Variants in MYO5C observed in about 807,000 individuals in gnomAD.
MYO5C encodes myosin VC.
A neutral mutation model predicts 235.7 loss-of-function variants in MYO5C; 194 were observed. The observed-to-expected ratio is 0.82, with a 90% confidence interval of 0.73 to 0.93. The LOEUF (loss-of-function observed/expected upper bound fraction) is 0.93, where lower values mean the gene tolerates loss of function less well. Ranked by LOEUF, MYO5C falls within the 40% of genes least tolerant of loss-of-function variation. The pLI, the probability that MYO5C is intolerant of heterozygous loss-of-function variation, is 0.00. For missense variants in MYO5C, 2,038 were observed against 2,127.2 expected, an observed-to-expected ratio of 0.96 and a Z score of 0.82; for synonymous variants, 707 against 754.8, an observed-to-expected ratio of 0.94 and a Z score of 1.04.
In MYO5C at chr15:52,192,914, G is replaced by A. The variant is rs1181005789; in HGVS notation, c.*988C>T. ...GCAGGTAAGATTTGAAGTTCTTTCAGAGAAGATAAACGGCATGGCAATTAA... is the reference window on the plus strand; with the variant it reads ...GCAGGTAAGATTTGAAGTTCTTTCAAAGAAGATAAACGGCATGGCAATTAA... On this transcript the variant is annotated 3_prime_UTR_variant, in exon 41 of 41. Coordinates refer to ENST00000261839, the MANE Select transcript of MYO5C (RefSeq NM_018728.4). 6.6e-6 allele frequency: 1 copy of A among 152,158 alleles called. No homozygotes were observed. Among genetic ancestry groups the A allele is most frequent in the Non-Finnish European group, 1.5e-5 (1 of 68,032 alleles). 9.4% of individuals were successfully genotyped at this position (152,158 alleles called of 1,614,324 possible).
chr15:52,277,952 G>A, intron 4 of MYO5C: 1 of 456,040 alleles, frequency 2.2e-6, no homozygotes, highest in Non-Finnish European at 4.4e-6. Context: ...GAGCTCAGGA[G>A]CTGCGGCTGG....
chr15:52,265,435 G>T (rs923778311), intron 8 of MYO5C, among the ~76,000 whole-genome samples: 1 of 152,052 alleles, frequency 6.6e-6, no homozygotes, highest in Admixed American at 6.5e-5. Context: ...GGTCCACCCT[G>T]GAATGGACAC....
Position 52,218,700 on chromosome 15 carries a change from G to A in MYO5C, c.3786-13C>T, listed in dbSNP as rs1277027518. 2 of 1,613,500 alleles carry A rather than the reference G, an allele frequency of 1.2e-6. No homozygotes were observed. Among genetic ancestry groups the A allele is most frequent in the Admixed American group, 3.3e-5 (2 of 59,984 alleles). ...GGCTTCCAAGGCCCTGAGAAAGGGA[G>A]GGAGGAATGGCTGGTATCAGTATGA... On this transcript the variant is annotated splice_polypyrimidine_tract_variant and intron_variant, in intron 31 of 40. Transcript: ENST00000261839.
chr15:52,202,605 C>T (rs1325792041), intron 38 of MYO5C, among the ~76,000 whole-genome samples: 1 of 152,102 alleles, frequency 6.6e-6, no homozygotes, highest in African/African-American at 2.4e-5. Context: ...TACTTTAGGG[C>T]TGAAATCTAC....
At chr15:52,223,913 C>A (rs2035759271) in intron 28 of MYO5C, among the ~76,000 whole-genome samples, 189 bp from the exon 29 acceptor site, 2 of 152,128 alleles carry the variant, frequency 1.3e-5, no homozygotes, top group Admixed American at 1.3e-4. Flanking sequence ...AGTTAGGAAG[C>A]ATTATGTGGG....
chr15:52,228,800 G>C (rs1453887928), intron 25 of MYO5C, among the ~76,000 whole-genome samples: 1 of 152,144 alleles, frequency 6.6e-6, no homozygotes, highest in Non-Finnish European at 1.5e-5. Flanking sequence ...CTTTAATGCA[G>C]GTGTTTATAG....
chr15:52,226,973 C>A (rs1341805114), intron 25 of MYO5C, among the ~76,000 whole-genome samples: 1 of 151,856 alleles, frequency 6.6e-6, no homozygotes, highest in Non-Finnish European at 1.5e-5. Flanking sequence ...CATGGTGAAA[C>A]CCTGTCTCTA....
intron 20 of MYO5C, among the ~76,000 whole-genome samples, chr15:52,240,402 C>G (rs118076832): frequency 0.012 from 1,867 of 151,806 alleles, 20 homozygotes; most frequent in Non-Finnish European, 0.02. Context: ...TACCTCATCT[C>G]TACAAAAAAA....
Position 52,244,356 on chromosome 15 carries a change from C to T in MYO5C, c.2390G>A (p.Arg797Lys). The change falls in exon 19 of 41, where the codon AGG becomes AAG. Residue 797 changes from arginine (R) to lysine (K), a missense_variant and splice_region_variant. By Grantham distance (26) the Arg-to-Lys change is conservative. Transcript: ENST00000261839. ...QQYFRGQQTV[R>K]KAITAVALKE... ...CATGTGTTCCTTGATTCCAACATAC[C>T]TCACAGTTTGCTGACCCCGGAAGTA... 6.2e-7 allele frequency: 1 copy of T among 1,612,108 alleles called. No individual in the cohort carries two copies. Among genetic ancestry groups the T allele is most frequent in the Non-Finnish European group, 8.5e-7 (1 of 1,179,234 alleles).
intron 1 of MYO5C, among the ~76,000 whole-genome samples, chr15:52,288,459 C>T (rs1480637138): frequency 1.3e-5 from 2 of 152,158 alleles, no homozygotes; most frequent in Non-Finnish European, 2.9e-5. Flanking sequence ...TACCCCAGGC[C>T]GCCCACACCC....
Position 52,218,456 on chromosome 15 carries a change from T to G in MYO5C, c.3954+63A>C, listed in dbSNP as rs2035602208. The G allele has an allele frequency of 2.7e-6, 4 of 1,486,230 alleles. No individual in the cohort carries two copies. The Admixed American group carries it at 5.3e-5, about 20-fold the overall frequency. 92.1% of individuals were successfully genotyped at this position (1,486,230 alleles called of 1,614,324 possible). ...TTAATCATATGCTTTAGGTGGCATG[T>G]CCCCCCTTTCAGCAACATCTGCACA... On this transcript the variant is annotated intron_variant, in intron 32 of 40. Coordinates refer to ENST00000261839, the MANE Select transcript of MYO5C (RefSeq NM_018728.4).
At chr15:52,288,677 G>A (rs116602893) in intron 1 of MYO5C, among the ~76,000 whole-genome samples, 219 of 152,340 alleles carry the variant, frequency 1.4e-3, no homozygotes, top group African/African-American at 5.2e-3. Context: ...GATGCAGTCC[G>A]CAGTTCATGC....
chr15:52,245,240 C>T (rs1664002543), intron 18 of MYO5C, 114 bp downstream of exon 18: 3 of 799,694 alleles, frequency 3.8e-6, no homozygotes, highest in Admixed American at 3.7e-5. Flanking sequence ...ATTTTCTTTC[C>T]TTTCAGGTGT....
rs74265743 is a variant in MYO5C at position 52,192,864 on chromosome 15, TAAAA to T, written c.*1034_*1037del. ...TTATTGTATGAAAGGTATTAAAAAA[TAAAA>T]AAATTATGGTGAATATGTTGGCAGG... On this transcript the variant is annotated 3_prime_UTR_variant, in exon 41 of 41. Transcript: ENST00000261839. 1 of 151,740 alleles carries T rather than the reference TAAAA, an allele frequency of 6.6e-6. No homozygotes were observed. Among genetic ancestry groups the T allele is most frequent in the Admixed American group, 6.6e-5 (1 of 15,236 alleles). 9.4% of individuals were successfully genotyped at this position (151,740 alleles called of 1,614,324 possible).
At chr15:52,254,712 C>CA (rs11328196) in intron 11 of MYO5C, among the ~76,000 whole-genome samples, 4,586 of 131,788 alleles carry the variant, frequency 0.035, 225 homozygotes, top group African/African-American at 0.11. Flanking sequence ...AGAACAAAAG[C>CA]AAAAAAAAAA....
intron 38 of MYO5C, among the ~76,000 whole-genome samples, chr15:52,200,543 TAACTA>T (rs909327157): frequency 6.8e-6 from 1 of 147,872 alleles, no homozygotes; most frequent in African/African-American, 2.5e-5. Flanking sequence ...CAAGCTTGGG[TAACTA>T]AATAATAATA....
chr15:52,257,761 G>A (rs1273540945), intron 10 of MYO5C, among the ~76,000 whole-genome samples: 1 of 152,196 alleles, frequency 6.6e-6, no homozygotes, highest in East Asian at 1.9e-4. Context: ...AATGCAATTC[G>A]ACCCCAGTGC....
chr15:52,225,142 A>G lies in MYO5C; in HGVS notation c.3302-4T>C, dbSNP rs998278201. On this transcript the variant is annotated splice_polypyrimidine_tract_variant and splice_region_variant and intron_variant, in intron 26 of 40. Transcript: ENST00000261839. ...TTGGTGATCTCTGACATCTTTTCTGAAAGGGAAAGGCAGAGTTGTATATAT... is the reference window on the plus strand; with the variant it reads ...TTGGTGATCTCTGACATCTTTTCTGGAAGGGAAAGGCAGAGTTGTATATAT... 2.4e-5 allele frequency: 39 copies of G among 1,613,874 alleles called. No individual in the cohort carries two copies. Among genetic ancestry groups the G allele is most frequent in the Non-Finnish European group, 3.1e-5 (36 of 1,179,898 alleles).
rs756501335 is a variant in MYO5C, at chr15:52,264,179, G to A, written c.1047+11C>T. 1 of 1,587,910 alleles carries A rather than the reference G, an allele frequency of 6.3e-7. No individual in the cohort carries two copies. Among genetic ancestry groups the A allele is most frequent in the Non-Finnish European group, 8.6e-7 (1 of 1,157,464 alleles). On this transcript the variant is annotated intron_variant, in intron 9 of 40. Transcript: ENST00000261839. ...TAGACAAAGGAAAAGTAAAACAAAT[G>A]AGCATCTCACACTAACTGAGGACCT...
Sources: allele counts gnomAD v4.1 joint callset (sites outside exome capture counted in the v4.1 genomes callset), GRCh38; gene constraint gnomAD v4.1.1; transcripts MANE v1.5; gene names NCBI Gene and HGNC (gene_info 2026-07-23, HGNC 2026-07-21).